MACF1: variants seen among roughly 807,000 people sequenced by gnomAD.
MACF1 encodes the protein microtubule-actin cross-linking factor 1.
A neutral mutation model predicts 854.8 loss-of-function variants in MACF1; 193 were observed. That is an observed-to-expected ratio of 0.23 (90% CI 0.20 to 0.25). The LOEUF is 0.25. MACF1 is among the 10% of genes least tolerant of loss of function. MACF1 has a pLI of 1.00. For missense variants in MACF1, 7,722 were observed against 8,929.1 expected (o/e 0.86, Z 5.45); for synonymous variants, 3,185 against 3,226.7 (o/e 0.99, Z 0.44).
chr1:39,154,663 T>C (rs1643647479), intron 2 of MACF1, among the ~76,000 whole-genome samples: 1 of 152,120 alleles, frequency 6.6e-6, no homozygotes, highest in Non-Finnish European at 1.5e-5. Flanking sequence ...TTGCCCTGTT[T>C]CAGGAGCAGT....
At chr1:39,253,035 A>G (rs1645059236) in intron 4 of MACF1, among the ~76,000 whole-genome samples, 1 of 152,238 alleles carries the variant, frequency 6.6e-6, no homozygotes, top group African/African-American at 2.4e-5. Context: ...GACACTTACA[A>G]AAGAAGTGGG....
rs368467363 is a variant in MACF1, at chr1:39,422,477, A to T, written c.15920A>T (p.Gln5307Leu). The T allele has an allele frequency of 2.5e-6, 4 of 1,614,036 alleles. No individual in the cohort carries two copies. The Admixed American group carries it at 6.7e-5, about 27-fold the overall frequency. The stretch of plus-strand genomic sequence containing the variant: ...AGTGCAGGAAAAGACTGTGATGTAC[A>T]GGGTTTAGAACATGACATGGAAGAG... ...IQSAGKDCDV[Q>L]GLEHDMEEIN... The change falls in exon 59 of 101, where the codon CAG becomes CTG. Residue 5307 changes from glutamine to leucine, a missense_variant. Transcript: ENST00000564288.
chr1:39,224,753 G>C (rs749366544), intron 1 of MACF1, among the ~76,000 whole-genome samples: 4 of 152,098 alleles, frequency 2.6e-5, no homozygotes, highest in Non-Finnish European at 5.9e-5. Flanking sequence ...CCAGATTTTA[G>C]GTAGAAGGAC....
At chr1:39,175,589 G>A (rs1644011927) in intron 2 of MACF1, among the ~76,000 whole-genome samples, 1 of 152,146 alleles carries the variant, frequency 6.6e-6, no homozygotes, top group South Asian at 2.1e-4. Context: ...ATAGTTAAAT[G>A]CAAGTATGTT....
chr1:39,260,222 T>C (rs917700392), intron 6 of MACF1, among the ~76,000 whole-genome samples: 1 of 152,200 alleles, frequency 6.6e-6, no homozygotes, highest in African/African-American at 2.4e-5. Flanking sequence ...CCTTTATTTC[T>C]TGTGCGATGA....
In MACF1 at chr1:39,448,010, ACTTATTT is replaced by A. The variant is rs1409968868; in HGVS notation, c.19969-17_19969-11del. On this transcript the variant is annotated splice_polypyrimidine_tract_variant and intron_variant, in intron 82 of 100. Transcript: ENST00000564288. ...ATAGTGTGTATATTCATTCCTGTTA[ACTTATTT>A]CTTATGTAATTTTAGTTCCATGAAG... 1 of 1,613,604 alleles carries A rather than the reference ACTTATTT, an allele frequency of 6.2e-7. No homozygotes were observed. The highest frequency in any genetic ancestry group is 8.5e-7 in the Non-Finnish European group (1 of 1,179,868).
intron 2 of MACF1, among the ~76,000 whole-genome samples, chr1:39,118,180 A>C (rs967875935): frequency 6.6e-6 from 1 of 152,198 alleles, no homozygotes; most frequent in African/African-American, 2.4e-5. Context: ...AACTTGAGAA[A>C]ATTTATTCCA....
At chr1:39,095,337 C>T (rs888580473) in intron 2 of MACF1, among the ~76,000 whole-genome samples, 31 of 146,532 alleles carry the variant, frequency 2.1e-4, no homozygotes, top group East Asian at 1.5e-3. Flanking sequence ...CCGAGGCGGG[C>T]GGATCATGAG....
chr1:39,337,053 G>A (rs1646823597), intron 37 of MACF1, 129 bp from the exon 38 acceptor site: 2 of 806,034 alleles, frequency 2.5e-6, no homozygotes, highest in South Asian at 4.1e-5. Context: ...TAAACAAAGT[G>A]TTTTATTTTA....
rs79131544 is a variant in MACF1, at chr1:39,148,949, G to A, written c.220+64511G>A. 5.8e-3 allele frequency among the ~76,000 whole-genome samples: 884 copies of A among 152,190 alleles called. 22 individuals carry two copies. Among genetic ancestry groups the A allele is most frequent in the East Asian group, 0.045 (235 of 5,184 alleles). On this transcript the variant is annotated intron_variant, in intron 2 of 93. Transcript: ENST00000361689. Reference sequence around the variant, plus strand: ...CCCCTTTGGTTGATTTTATGTTGCCGTTGGAGGTTTTATACATTGGAATGA... The same window carrying A: ...CCCCTTTGGTTGATTTTATGTTGCCATTGGAGGTTTTATACATTGGAATGA...
intron 2 of MACF1, among the ~76,000 whole-genome samples, chr1:39,119,537 G>T (rs1267879778): frequency 6.6e-6 from 1 of 152,076 alleles, no homozygotes. Flanking sequence ...TGCACTTCAT[G>T]AATTGAGCTA....
At chr1:39,458,860 G>A (rs1214760257) in intron 90 of MACF1, 18 of 529,378 alleles carry the variant, frequency 3.4e-5, no homozygotes, top group Non-Finnish European at 1.6e-5. Context: ...CACTAAGGTA[G>A]GACAGAATTG....
intron 1 of MACF1, among the ~76,000 whole-genome samples, chr1:39,208,225 T>C (rs1644475838): frequency 6.6e-6 from 1 of 151,874 alleles, no homozygotes; most frequent in Non-Finnish European, 1.5e-5. Flanking sequence ...TTTCCTATCT[T>C]GGCCTTATAA....
chr1:39,114,953 G>T (rs888153859), intron 2 of MACF1, among the ~76,000 whole-genome samples: 7 of 152,190 alleles, frequency 4.6e-5, no homozygotes, highest in African/African-American at 1.7e-4. Context: ...ATGAACAGAA[G>T]TAAGGGGATG....
At chr1:39,470,544 G>A (rs1644756108) in intron 97 of MACF1, among the ~76,000 whole-genome samples, 1 of 152,152 alleles carries the variant, frequency 6.6e-6, no homozygotes, top group Non-Finnish European at 1.5e-5. Flanking sequence ...TACTCTGGAG[G>A]CTGAGGTGGG....
intron 2 of MACF1, among the ~76,000 whole-genome samples, chr1:39,163,561 A>G (rs1419781552): frequency 1.3e-5 from 2 of 152,170 alleles, no homozygotes; most frequent in African/African-American, 4.8e-5. Context: ...GAACAGCAAC[A>G]GTATTGTTGA....
Position 39,385,765 on chromosome 1 carries a change from G to A in MACF1, c.14180G>A (p.Ser4727Asn). The A allele has an allele frequency of 6.2e-7, 1 of 1,614,148 alleles. No individual in the cohort carries two copies. Among genetic ancestry groups the A allele is most frequent in the Non-Finnish European group, 8.5e-7 (1 of 1,180,036 alleles). The change falls in exon 57 of 101, where the codon AGT becomes AAT. Residue 4727 changes from serine to asparagine, a missense_variant. Transcript: ENST00000564288. ...GTAAAGCAGCAATTGGAAGAGACCA[G>A]TGAAATTCGATCTGACTTGGAGCAG... ...EAVKQQLEET[S>N]EIRSDLEQLD...
At position 39,283,030 on chromosome 1, in the gene MACF1, T is replaced by C; in HGVS notation, c.696-159T>C. The C allele has an allele frequency of 1.7e-6, 1 of 590,648 alleles. No homozygotes were observed. The highest frequency in any genetic ancestry group is 2.2e-5 in the South Asian group (1 of 46,412). 36.6% of individuals were successfully genotyped at this position (590,648 alleles called of 1,614,324 possible). On this transcript the variant is annotated intron_variant, in intron 7 of 100. Coordinates refer to ENST00000564288, the MANE Select transcript of MACF1 (RefSeq NM_001394062.1). The surrounding 1 kb of genome is among the most constrained non-coding windows in gnomAD (Gnocchi z 4.5). The stretch of plus-strand genomic sequence containing the variant: ...TAGGGAGCACTGGGCCCCTGGTGTA[T>C]ACTTAAAAATGGAATTTGTACTCTT...
At position 39,427,622 on chromosome 1, in the gene MACF1, G is replaced by A. The variant is rs1643767730; in HGVS notation, c.16476+8G>A. On this transcript the variant is annotated splice_region_variant and intron_variant, in intron 62 of 100. Coordinates refer to ENST00000564288, the MANE Select transcript of MACF1 (RefSeq NM_001394062.1). ...CAGATCATTCGGCACAAGGTAGGGA[G>A]TGGTTACAGTAAATGAAAATAGAAA... is the stretch of plus-strand genomic sequence containing the variant. 6.2e-7 allele frequency: 1 copy of A among 1,602,560 alleles called. No homozygotes were observed. The highest frequency in any genetic ancestry group is 8.5e-7 in the Non-Finnish European group (1 of 1,176,622).
Sources: allele counts gnomAD v4.1 joint callset (sites outside exome capture counted in the v4.1 genomes callset), GRCh38; gene constraint gnomAD v4.1.1; non-coding constraint Gnocchi (gnomAD v3.1); transcripts MANE v1.5; gene names NCBI Gene and HGNC (gene_info 2026-07-23, HGNC 2026-07-21).